The following COL4A1 variants were observed in gnomAD, a reference collection of about 807,000 sequenced individuals.
The protein encoded by COL4A1 is collagen type IV alpha 1 chain.
In COL4A1, 40 loss-of-function variants were observed where a neutral mutation model predicts 216.6. The ratio of observed to expected loss-of-function variants is 0.18; its 90% CI spans 0.14 to 0.24. The LOEUF is 0.24. COL4A1 is among the 10% of genes least tolerant of loss of function. The probability of loss-of-function intolerance (pLI) is 1.00; values close to 1 mark genes in which losing one functional copy is unlikely to be tolerated. For missense variants in COL4A1, 1,628 were observed against 2,196.8 expected (o/e 0.74, Z 5.18); for synonymous variants, 839 against 810.7 (o/e 1.03, Z -0.59).
chr13:110,161,037 TG>T, intron 49 of COL4A1, 154 bp downstream of exon 49: 1 of 845,308 alleles, frequency 1.2e-6, no homozygotes, highest in Non-Finnish European at 1.9e-6. Flanking sequence ...ATAATTTTTA[TG>T]GTAGATTTCC....
chr13:110,289,821 C>T (rs1884012649), intron 1 of COL4A1, among the ~76,000 whole-genome samples: 1 of 152,180 alleles, frequency 6.6e-6, no homozygotes, highest in Admixed American at 6.5e-5. Context: ...CTCAAGGTGG[C>T]TGGCACGGAC....
chr13:110,271,755 T>G (rs887084728), intron 1 of COL4A1, among the ~76,000 whole-genome samples: 5 of 152,144 alleles, frequency 3.3e-5, no homozygotes, highest in Non-Finnish European at 5.9e-5. Context: ...TCCAAAAAGG[T>G]CAGTAGATCA....
At chr13:110,222,490 C>CCTAAATATTCATTGTAGTAAT (rs1555308292) in intron 2 of COL4A1, among the ~76,000 whole-genome samples, 4 of 151,304 alleles carry the variant, frequency 2.6e-5, no homozygotes, top group Admixed American at 2.0e-4. Context: ...AAGGCTTTTT[C>CCTAAATATTCATTGTAGTAAT]AGGCCGGGCG....
intron 2 of COL4A1, among the ~76,000 whole-genome samples, chr13:110,220,086 T>C (rs954455996): frequency 2.1e-4 from 32 of 151,432 alleles, no homozygotes; most frequent in African/African-American, 7.5e-4. Flanking sequence ...TATAGTAGTG[T>C]GCCACCATGC....
intron 1 of COL4A1, among the ~76,000 whole-genome samples, chr13:110,293,005 T>G (rs932259634): frequency 4.6e-5 from 7 of 152,156 alleles, no homozygotes; most frequent in Admixed American, 3.9e-4. Context: ...CTGTTATTTT[T>G]AAAAAATCTC....
intron 24 of COL4A1, among the ~76,000 whole-genome samples, chr13:110,189,996 G>A (rs971097961): frequency 2.0e-5 from 3 of 152,086 alleles, no homozygotes; most frequent in African/African-American, 7.2e-5. Context: ...TATAACCAAT[G>A]TATATTTTTC....
In COL4A1 at chr13:110,207,190, G is replaced by C. The variant is rs1244938496; in HGVS notation, c.780+213C>G. Among the ~76,000 whole-genome samples the C allele has an allele frequency of 6.6e-6, 1 of 151,894 alleles. No individual in the cohort carries two copies. The highest frequency in any genetic ancestry group is 1.5e-5 in the Non-Finnish European group (1 of 67,988). On this transcript the variant is annotated intron_variant, in intron 13 of 51. Coordinates refer to ENST00000375820, the MANE Select transcript of COL4A1 (RefSeq NM_001845.6). This position sits in a 1 kb window ranked among gnomAD's most constrained non-coding sequence, Gnocchi z 4.4. ...ATTTAAGAAGCCCTGATCCAGCGGG[G>C]TGAGCCTCAGATCAGGCTTGGACCA...
At chr13:110,291,198 T>A (rs1884073738) in intron 1 of COL4A1, among the ~76,000 whole-genome samples, 1 of 152,262 alleles carries the variant, frequency 6.6e-6, no homozygotes, top group South Asian at 2.1e-4. Context: ...CCAAGTAGCC[T>A]GGCATCACAT....
intron 8 of COL4A1, among the ~76,000 whole-genome samples, chr13:110,210,903 C>T (rs1399572013): frequency 6.6e-6 from 1 of 152,074 alleles, no homozygotes; most frequent in Non-Finnish European, 1.5e-5. Context: ...CTGGCCTGCC[C>T]ACCTCACTCT....
intron 29 of COL4A1, among the ~76,000 whole-genome samples, chr13:110,179,753 T>G (rs147363328): frequency 2.0e-5 from 3 of 152,316 alleles, no homozygotes; most frequent in Non-Finnish European, 4.4e-5. Context: ...GACAAAGCAC[T>G]GGCCCTGAGT....
At chr13:110,272,090 T>C (rs1883265039) in intron 1 of COL4A1, among the ~76,000 whole-genome samples, 1 of 152,246 alleles carries the variant, frequency 6.6e-6, no homozygotes, top group African/African-American at 2.4e-5. Context: ...CAGAAATTTC[T>C]GGTCATAGCC....
intron 22 of COL4A1, among the ~76,000 whole-genome samples, chr13:110,194,448 A>T (rs1450282533): frequency 1.3e-5 from 2 of 151,998 alleles, no homozygotes; most frequent in Admixed American, 1.3e-4. Context: ...GTGATAATCC[A>T]CCTCTGTGTC....
At chr13:110,173,519 A>G (rs1483701266) in intron 40 of COL4A1, among the ~76,000 whole-genome samples, 1 of 151,804 alleles carries the variant, frequency 6.6e-6, no homozygotes, top group Non-Finnish European at 1.5e-5. Flanking sequence ...ATTTCCAACC[A>G]TTTCCCCTCA....
intron 1 of COL4A1, chr13:110,298,570 G>A (rs1363883096): frequency 6.6e-6 from 1 of 152,126 alleles, no homozygotes; most frequent in African/African-American, 2.4e-5. Context: ...GGCCATTTCC[G>A]GACCAAAATT....
intron 1 of COL4A1, among the ~76,000 whole-genome samples, chr13:110,291,778 C>G (rs1163381033): frequency 6.6e-6 from 1 of 152,198 alleles, no homozygotes; most frequent in Non-Finnish European, 1.5e-5. Flanking sequence ...CTAGAGGGAT[C>G]ATAATCGCCA....
At chr13:110,272,718 C>CCAACAGTAAGGTAAGATGT (rs2139291233) in intron 1 of COL4A1, among the ~76,000 whole-genome samples, 1 of 152,344 alleles carries the variant, frequency 6.6e-6, no homozygotes, top group African/African-American at 2.4e-5. Context: ...CCTTTTCTTG[C>CCAACAGTAAGGTAAGATGT]CAACAGTAAG....
intron 1 of COL4A1, among the ~76,000 whole-genome samples, chr13:110,306,133 A>ACTCCTGCAAAC (rs533719194): frequency 2.0e-5 from 3 of 152,062 alleles, no homozygotes; most frequent in South Asian, 2.1e-4. Context: ...GGAAGCCTCG[A>ACTCCTGCAAAC]CTCCTGCAAA....
intron 36 of COL4A1, among the ~76,000 whole-genome samples, chr13:110,176,156 T>A (rs951963950): frequency 3.9e-5 from 6 of 152,220 alleles, no homozygotes; most frequent in Non-Finnish European, 2.9e-5. Context: ...AAGGGGATGG[T>A]CACTTGGAGA....
intron 1 of COL4A1, among the ~76,000 whole-genome samples, chr13:110,301,175 T>C (rs1218717151): frequency 6.6e-6 from 1 of 152,234 alleles, no homozygotes; most frequent in Non-Finnish European, 1.5e-5. Context: ...TTGTGTTCAC[T>C]AGTAATACCA....
Sources: gnomAD v4.1 joint callset for allele counts (sites outside exome capture counted in the v4.1 genomes callset) on GRCh38, gnomAD v4.1.1 for gene constraint, Gnocchi (gnomAD v3.1) non-coding constraint, MANE v1.5 for transcripts, NCBI Gene and HGNC (gene_info 2026-07-23, HGNC 2026-07-21) for gene names.